CFAP61: variants seen among roughly 807,000 people sequenced by gnomAD.
CFAP61 encodes cilia and flagella associated protein 61.
A neutral mutation model predicts 135.6 loss-of-function variants in CFAP61; 107 were observed. That is an observed-to-expected ratio of 0.79 (90% confidence interval 0.67 to 0.93). The LOEUF is 0.93. Ranked by LOEUF, CFAP61 falls within the 40% of genes least tolerant of loss-of-function variation. CFAP61 has a pLI of 0.00. For synonymous variants in CFAP61, 575 were observed against 578.5 expected (o/e 0.99, Z 0.09); for missense variants, 1,507 against 1,556.2 (o/e 0.97, Z 0.53).
rs530918566 is a variant in CFAP61 at position 20,221,202 on chromosome 20, A to G, written c.1933-7047A>G. 48 of 152,334 alleles carry G rather than the reference A, an allele frequency of 3.2e-4. 1 individual carries two copies. The highest frequency in any genetic ancestry group is 2.9e-3 in the Admixed American group (44 of 15,306). 9.4% of individuals were successfully genotyped at this position (152,334 alleles called of 1,614,324 possible). On this transcript the variant is annotated intron_variant, in intron 17 of 26. Transcript: ENST00000245957. ...ATTTCTGAACACTTTACACTACTCA[A>G]GGTGGCAAAGGAGAGACATGGAGCC...
In CFAP61 at chr20:20,067,662, T is replaced by TAA. The variant is rs1491085281; in HGVS notation, c.144-3191_144-3190dup. ...ATCTCAAAATATATATATATATATA[T>TAA]AATATATATATTTATATTATATATA... On this transcript the variant is annotated intron_variant, in intron 2 of 26. Coordinates refer to ENST00000245957, the MANE Select transcript of CFAP61 (RefSeq NM_015585.4). Among the ~76,000 whole-genome samples the TAA allele has an allele frequency of 2.3e-3, 279 of 122,440 alleles. 1 individual carries two copies. Among genetic ancestry groups the TAA allele is most frequent in the African/African-American group, 7.7e-3 (258 of 33,432 alleles). The allele number at this position is 122,440 out of a possible 152,430, so 80.3% of individuals were successfully genotyped here.
intron 7 of CFAP61, among the ~76,000 whole-genome samples, chr20:20,095,859 G>T (rs887283512): frequency 6.6e-6 from 1 of 152,210 alleles, no homozygotes; most frequent in African/African-American, 2.4e-5. Flanking sequence ...AAAGGGATGG[G>T]TGGCTGTAGG....
chr20:20,229,523 T>C (rs1401631140), intron 18 of CFAP61, among the ~76,000 whole-genome samples: 1 of 152,128 alleles, frequency 6.6e-6, no homozygotes, highest in Non-Finnish European at 1.5e-5. Context: ...ATCACTCTTC[T>C]GGAAGCCAGC....
intron 7 of CFAP61, among the ~76,000 whole-genome samples, chr20:20,096,695 G>A (rs1450846013): frequency 6.6e-6 from 1 of 152,178 alleles, no homozygotes; most frequent in East Asian, 1.9e-4. Flanking sequence ...CTGCACATAT[G>A]GTAGATGGAT....
intron 13 of CFAP61, among the ~76,000 whole-genome samples, chr20:20,177,308 G>A (rs759574481): frequency 2.7e-5 from 3 of 111,308 alleles, no homozygotes; most frequent in Non-Finnish European, 3.7e-5. Context: ...GCTTTCATTT[G>A]GAAAGGAAAG....
chr20:20,215,528 A>G lies in CFAP61; in HGVS notation c.1933-12721A>G, dbSNP rs28619053. Among the ~76,000 whole-genome samples, 1,393 of 152,292 alleles carry G rather than the reference A, an allele frequency of 9.1e-3. 22 individuals are homozygous for G. Among genetic ancestry groups the G allele is most frequent in the African/African-American group, 0.032 (1,318 of 41,556 alleles). ...GAAGGAATAAGTAGTAGGGACAAAC[A>G]TGGCTGGGATACTCAGGGGATTTTG... On this transcript the variant is annotated intron_variant, in intron 17 of 26. Coordinates refer to ENST00000245957, the MANE Select transcript of CFAP61 (RefSeq NM_015585.4).
chr20:20,117,990 G>T (rs1366223501), intron 8 of CFAP61, among the ~76,000 whole-genome samples: 1 of 152,000 alleles, frequency 6.6e-6, no homozygotes, highest in Non-Finnish European at 1.5e-5. Context: ...ATTTTTGGTG[G>T]GGTCTTTAGG....
intron 8 of CFAP61, among the ~76,000 whole-genome samples, chr20:20,112,432 A>G (rs2048861946): frequency 6.6e-6 from 1 of 152,012 alleles, no homozygotes; most frequent in African/African-American, 2.4e-5. Flanking sequence ...AACATATCTA[A>G]TTTTATTTTA....
At chr20:20,109,233 T>C (rs1219884886) in intron 8 of CFAP61, among the ~76,000 whole-genome samples, 1 of 152,228 alleles carries the variant, frequency 6.6e-6, no homozygotes. Context: ...AGTGACTCTT[T>C]TAGGTAAAAA....
chr20:20,300,369 G>T (rs1175915337), intron 25 of CFAP61, among the ~76,000 whole-genome samples: 1 of 152,186 alleles, frequency 6.6e-6, no homozygotes, highest in East Asian at 1.9e-4. Flanking sequence ...GGAGATGGCA[G>T]CTCCACGTGT....
chr20:20,298,225 C>G lies in CFAP61; in HGVS notation c.3261C>G (p.Phe1087Leu). 1 of 1,614,110 alleles carries G rather than the reference C, an allele frequency of 6.2e-7. No individual in the cohort carries two copies. Among genetic ancestry groups the G allele is most frequent in the African/African-American group, 1.3e-5 (1 of 75,030 alleles). Reference sequence around the variant, plus strand: ...GCAGTGCGAAAAATGGGACTTACTTCCGAATTCATATTAACAAGTATAAAA... The same window carrying G: ...GCAGTGCGAAAAATGGGACTTACTTGCGAATTCATATTAACAAGTATAAAA... The part of the protein sequence containing the change: ...VTGSAKNGTY[F>L]RIHINKYKMV... Residue 1087 changes from phenylalanine (F) to leucine (L), a missense_variant, in exon 25 of 27, where the codon TTC (phenylalanine) becomes TTG (leucine). Transcript: ENST00000245957.
At chr20:20,323,292 C>A (rs556222901) in intron 25 of CFAP61, 60 of 985,430 alleles carry the variant, frequency 6.1e-5, no homozygotes, top group Non-Finnish European at 6.6e-5. Context: ...ACAAACAACC[C>A]TAAATTTTCA....
At chr20:20,074,518 A>G in intron 4 of CFAP61, 140 bp downstream of exon 4, 1 of 684,958 alleles carries the variant, frequency 1.5e-6, no homozygotes. Flanking sequence ...TTTACTTTGA[A>G]TAGCAATGAT....
chr20:20,289,939 T>G (rs1008988782), intron 23 of CFAP61, among the ~76,000 whole-genome samples: 1 of 152,182 alleles, frequency 6.6e-6, no homozygotes, highest in Middle Eastern at 3.2e-3. Flanking sequence ...TTTGGAGAAG[T>G]GATGAGGAAT....
At chr20:20,090,625 G>A (rs1454405652) in intron 6 of CFAP61, among the ~76,000 whole-genome samples, 1 of 150,426 alleles carries the variant, frequency 6.6e-6, no homozygotes, top group Non-Finnish European at 1.5e-5. Flanking sequence ...GGGAAGCAGA[G>A]GTTGCAATGA....
intron 25 of CFAP61, among the ~76,000 whole-genome samples, chr20:20,331,509 T>C (rs1345903180): frequency 6.6e-6 from 1 of 152,234 alleles, no homozygotes; most frequent in African/African-American, 2.4e-5. Context: ...TCATTATTTA[T>C]TTTTAAAATT....
At chr20:20,294,187 T>C (rs988518957) in intron 24 of CFAP61, among the ~76,000 whole-genome samples, 2 of 152,206 alleles carry the variant, frequency 1.3e-5, no homozygotes, top group East Asian at 1.9e-4. Flanking sequence ...CTGCACCATG[T>C]GGGCAGGGCT....
intron 25 of CFAP61, among the ~76,000 whole-genome samples, chr20:20,334,659 G>A (rs2058112968): frequency 6.6e-6 from 1 of 152,188 alleles, no homozygotes; most frequent in South Asian, 2.1e-4. Flanking sequence ...TATATTTCGA[G>A]GCTGCTGCTC....
chr20:20,090,440 C>G (rs2047099483), intron 6 of CFAP61, among the ~76,000 whole-genome samples: 1 of 151,988 alleles, frequency 6.6e-6, no homozygotes, highest in Non-Finnish European at 1.5e-5. Context: ...ATTTGTAATC[C>G]CAGCACTCTG....
Sources: allele counts gnomAD v4.1 joint callset (sites outside exome capture counted in the v4.1 genomes callset), GRCh38; gene constraint gnomAD v4.1.1; transcripts MANE v1.5; gene names NCBI Gene and HGNC (gene_info 2026-07-23, HGNC 2026-07-21).